Variants in KCNN2 observed in about 807,000 individuals in gnomAD.
KCNN2 encodes the protein small conductance calcium-activated potassium channel protein 2.
A neutral mutation model predicts 55.5 loss-of-function variants in KCNN2; 24 were observed. The observed-to-expected ratio is 0.43, with a 90% CI of 0.31 to 0.61. KCNN2 has a LOEUF of 0.61. Ranked by LOEUF, KCNN2 falls within the 20% of genes least tolerant of loss-of-function variation. The pLI is 0.08. For missense variants in KCNN2, 754 were observed against 853.6 expected, an observed-to-expected ratio of 0.88 and a Z score of 1.45; for synonymous variants, 431 against 336.1, an observed-to-expected ratio of 1.28 and a Z score of -3.09.
rs541683830 is a variant in KCNN2 at position 114,352,932 on chromosome 5, T to C, written c.-184-8013T>C. Among the ~76,000 whole-genome samples, 130 of 152,028 alleles carry C rather than the reference T, an allele frequency of 8.6e-4. 2 individuals are homozygous for C. The highest frequency in any genetic ancestry group is 2.9e-3 in the African/African-American group (122 of 41,556). On this transcript the variant is annotated intron_variant, in intron 2 of 10. Transcript: ENST00000512097. ...GGTTTATACTGCTGTTAACATTTTC[T>C]GTATTCTTGTTAATCCTCTGCATAG...
intron 2 of KCNN2, among the ~76,000 whole-genome samples, chr5:114,369,292 C>G (rs1757694245): frequency 6.6e-6 from 1 of 152,166 alleles, no homozygotes; most frequent in Non-Finnish European, 1.5e-5. Context: ...AAGCTCAAGG[C>G]CTCAGGCTTC....
intron 2 of KCNN2, among the ~76,000 whole-genome samples, chr5:114,226,115 C>G (rs1306374844): frequency 2.4e-5 from 1 of 42,036 alleles, no homozygotes; most frequent in African/African-American, 9.8e-5. Context: ...AGAAAGCATT[C>G]CTGTTTTCTT....
chr5:114,163,051 A>G (rs1033648522), intron 1 of KCNN2, among the ~76,000 whole-genome samples: 2 of 152,140 alleles, frequency 1.3e-5, no homozygotes, highest in Non-Finnish European at 2.9e-5. Flanking sequence ...TGAACCGGGT[A>G]CCTCATTTGG....
intron 1 of KCNN2, among the ~76,000 whole-genome samples, chr5:114,132,816 A>T (rs888134442): frequency 2.0e-5 from 3 of 152,246 alleles, no homozygotes; most frequent in East Asian, 3.8e-4. Context: ...GCTTGCTAAT[A>T]CACTTCATGC....
chr5:114,404,010 G>T (rs1301105072), intron 2 of KCNN2, among the ~76,000 whole-genome samples: 1 of 152,178 alleles, frequency 6.6e-6, no homozygotes, highest in East Asian at 1.9e-4. Context: ...GGGTATAACT[G>T]ATTGCAGAGG....
intron 2 of KCNN2, among the ~76,000 whole-genome samples, chr5:114,278,748 G>GTACC (rs1561552124): frequency 6.6e-6 from 1 of 152,180 alleles, no homozygotes; most frequent in East Asian, 1.9e-4. Context: ...GGGCAGGAGT[G>GTACC]TACCGCTCCT....
At chr5:114,273,828 G>C (rs997090428) in intron 2 of KCNN2, among the ~76,000 whole-genome samples, 5 of 152,126 alleles carry the variant, frequency 3.3e-5, no homozygotes, top group African/African-American at 1.2e-4. Flanking sequence ...AGTTTATTTT[G>C]CTGTGCAGAA....
intron 2 of KCNN2, among the ~76,000 whole-genome samples, chr5:114,319,104 A>C (rs1346545795): frequency 2.6e-5 from 4 of 152,180 alleles, no homozygotes; most frequent in Admixed American, 2.6e-4. Context: ...ATTCCCACCC[A>C]GAGACTGAGT....
chr5:114,130,414 A>G (rs1414102144), intron 1 of KCNN2, among the ~76,000 whole-genome samples: 3 of 152,188 alleles, frequency 2.0e-5, no homozygotes, highest in Non-Finnish European at 4.4e-5. Flanking sequence ...AGGACATGGG[A>G]AGAAATATGG....
intron 1 of KCNN2, among the ~76,000 whole-genome samples, chr5:114,057,654 A>G (rs1283159441): frequency 1.3e-5 from 2 of 152,192 alleles, no homozygotes; most frequent in Non-Finnish European, 2.9e-5. Context: ...TAGATACTAT[A>G]AAGAAAAGAG....
chr5:114,483,483 C>T (rs1424043068), intron 5 of KCNN2, among the ~76,000 whole-genome samples: 1 of 151,904 alleles, frequency 6.6e-6, no homozygotes, highest in Non-Finnish European at 1.5e-5. Flanking sequence ...TAGATGTTGG[C>T]CACGCTGGTC....
At chr5:114,493,965 AC>A (rs1186011747) in intron 7 of KCNN2, among the ~76,000 whole-genome samples, 1 of 152,178 alleles carries the variant, frequency 6.6e-6, no homozygotes, top group Non-Finnish European at 1.5e-5. Context: ...TAAAGTGATC[AC>A]TTTTTTATGG....
At chr5:114,286,767 T>C (rs1755763197) in intron 2 of KCNN2, among the ~76,000 whole-genome samples, 1 of 152,144 alleles carries the variant, frequency 6.6e-6, no homozygotes, top group African/African-American at 2.4e-5. Flanking sequence ...AGTGTTTAGA[T>C]AAAATTGCTT....
intron 3 of KCNN2, among the ~76,000 whole-genome samples, chr5:114,430,181 G>T (rs1236110412): frequency 6.6e-6 from 1 of 151,942 alleles, no homozygotes. Context: ...TGTAATTTTG[G>T]TTGGGATTGC....
intron 1 of KCNN2, among the ~76,000 whole-genome samples, chr5:114,071,339 C>T (rs1162808634): frequency 1.3e-5 from 2 of 152,182 alleles, no homozygotes; most frequent in Non-Finnish European, 2.9e-5. Flanking sequence ...ACTCCTAACC[C>T]TTGTGAGAAA....
At chr5:114,165,479 T>C (rs1022424918) in intron 1 of KCNN2, among the ~76,000 whole-genome samples, 5 of 152,314 alleles carry the variant, frequency 3.3e-5, no homozygotes, top group South Asian at 2.1e-4. Context: ...TTACTTAATA[T>C]GGGGTGTGAA....
intron 2 of KCNN2, among the ~76,000 whole-genome samples, chr5:114,393,782 T>TA (rs1262522586): frequency 3.0e-4 from 44 of 149,144 alleles, no homozygotes; most frequent in Middle Eastern, 3.4e-3. Context: ...ACTTTGCTTT[T>TA]AAAAAAAAAA....
intron 2 of KCNN2, among the ~76,000 whole-genome samples, chr5:114,383,716 C>T (rs1031980914): frequency 6.6e-6 from 1 of 152,104 alleles, no homozygotes; most frequent in African/African-American, 2.4e-5. Context: ...GATCTGCCCA[C>T]CTCAGCCTCC....
chr5:114,218,775 T>C (rs774850881), intron 1 of KCNN2, among the ~76,000 whole-genome samples: 16 of 152,212 alleles, frequency 1.1e-4, no homozygotes, highest in Non-Finnish European at 1.3e-4. Context: ...TTGTAACTAA[T>C]ATACCACTCT....
Sources: allele counts gnomAD v4.1 joint callset (sites outside exome capture counted in the v4.1 genomes callset), GRCh38; gene constraint gnomAD v4.1.1; transcripts MANE v1.5; gene names NCBI Gene and HGNC (gene_info 2026-07-23, HGNC 2026-07-21).